Variants in KCNQ5 observed in about 807,000 individuals in gnomAD.
KCNQ5 encodes potassium voltage-gated channel subfamily Q member 5, also known as potassium voltage-gated channel subfamily KQT member 5.
KCNQ5 carries 30 observed loss-of-function variants against 98.2 expected under a neutral mutation model. The ratio of observed to expected loss-of-function variants is 0.31; its 90% CI spans 0.23 to 0.41. The LOEUF is 0.41. KCNQ5 is among the 10% of genes least tolerant of loss of function. The probability of loss-of-function intolerance (pLI) is 1.00; values close to 1 mark genes in which losing one functional copy is unlikely to be tolerated. For synonymous variants in KCNQ5, 458 were observed against 449.4 expected (o/e 1.02, Z -0.24); for missense variants, 835 against 1,182.5 (o/e 0.71, Z 4.31).
At chr6:72,921,325 C>G (rs1780386905) in intron 1 of KCNQ5, among the ~76,000 whole-genome samples, 4 of 152,096 alleles carry the variant, frequency 2.6e-5, no homozygotes. Flanking sequence ...TGAAGAAAGA[C>G]ACAGAAATAA....
intron 1 of KCNQ5, among the ~76,000 whole-genome samples, chr6:72,627,257 T>A (rs953125301): frequency 1.3e-5 from 2 of 151,942 alleles, no homozygotes; most frequent in African/African-American, 4.8e-5. Flanking sequence ...AAGCAATAAG[T>A]AGAAAAAATG....
intron 2 of KCNQ5, among the ~76,000 whole-genome samples, chr6:73,041,597 CAT>C (rs1480430339): frequency 1.3e-5 from 2 of 152,172 alleles, no homozygotes; most frequent in African/African-American, 4.8e-5. Context: ...AGATATTTCA[CAT>C]GTTACTGGGT....
chr6:72,879,388 T>A (rs1159172570), intron 1 of KCNQ5, among the ~76,000 whole-genome samples: 1 of 152,148 alleles, frequency 6.6e-6, no homozygotes, highest in East Asian at 1.9e-4. Context: ...ATTGAGCATC[T>A]TTTCATGTTT....
At chr6:73,103,536 A>G (rs1385417300) in intron 5 of KCNQ5, among the ~76,000 whole-genome samples, 1 of 152,194 alleles carries the variant, frequency 6.6e-6, no homozygotes, top group Non-Finnish European at 1.5e-5. Flanking sequence ...CCTAATGTAG[A>G]TGATGAGTTA....
Position 72,945,529 on chromosome 6 carries a change from A to ATAAAGAGAT in KCNQ5, c.399-58379_399-58378insTAAAGAGAT, listed in dbSNP as rs1766502625. On this transcript the variant is annotated intron_variant, in intron 1 of 13. Coordinates refer to ENST00000370398, the MANE Select transcript of KCNQ5 (RefSeq NM_019842.4). ...GAGTGCAGTGGTGCAATCTTGGCTC[A>ATAAAGAGAT]CTGCAACCTCTGTCTCCTGGGTTCA... Among the ~76,000 whole-genome samples, 9 of 149,920 alleles carry ATAAAGAGAT rather than the reference A, an allele frequency of 6.0e-5. No individual in the cohort carries two copies. In the South Asian group the frequency reaches 1.9e-3, roughly 32 times the overall value.
chr6:73,188,009 C>A (rs1039188569), intron 11 of KCNQ5, among the ~76,000 whole-genome samples: 1 of 152,108 alleles, frequency 6.6e-6, no homozygotes, highest in African/African-American at 2.4e-5. Flanking sequence ...TGGGCAGATG[C>A]GTCCCAAACC....
At chr6:72,827,570 C>G (rs1264369258) in intron 1 of KCNQ5, among the ~76,000 whole-genome samples, 1 of 151,736 alleles carries the variant, frequency 6.6e-6, no homozygotes, top group African/African-American at 2.4e-5. Context: ...ATTTTTTACT[C>G]ATATTATTTG....
intron 2 of KCNQ5, among the ~76,000 whole-genome samples, chr6:73,010,640 T>TAA (rs61014549): frequency 2.2e-4 from 30 of 135,940 alleles, no homozygotes; most frequent in African/African-American, 7.1e-4. Context: ...CCTGAAGATT[T>TAA]AAAAAAAAAA....
chr6:73,076,354 A>C (rs2150390580), intron 3 of KCNQ5, among the ~76,000 whole-genome samples: 1 of 152,288 alleles, frequency 6.6e-6, no homozygotes, highest in East Asian at 1.9e-4. Context: ...AGCAGGAAGG[A>C]AATTGTATTT....
intron 1 of KCNQ5, among the ~76,000 whole-genome samples, chr6:72,731,208 AT>A (rs1265130721): frequency 6.6e-6 from 1 of 152,232 alleles, no homozygotes; most frequent in Non-Finnish European, 1.5e-5. Context: ...TAGAGATAGC[AT>A]ATTAGGTGCT....
intron 1 of KCNQ5, among the ~76,000 whole-genome samples, chr6:72,700,471 T>G (rs1768746693): frequency 6.6e-6 from 1 of 152,170 alleles, no homozygotes; most frequent in Non-Finnish European, 1.5e-5. Flanking sequence ...TAAGATTGAT[T>G]AGGTTTTGGT....
intron 1 of KCNQ5, among the ~76,000 whole-genome samples, chr6:72,652,856 G>A (rs1765944186): frequency 6.6e-6 from 1 of 151,950 alleles, no homozygotes; most frequent in Admixed American, 6.6e-5. Context: ...GAAACTTCAG[G>A]CCCCAGTTTT....
intron 1 of KCNQ5, among the ~76,000 whole-genome samples, chr6:72,856,270 A>C (rs1435760886): frequency 6.6e-6 from 1 of 152,160 alleles, no homozygotes; most frequent in African/African-American, 2.4e-5. Context: ...TGAAGTTGAC[A>C]ATGACATAAG....
At chr6:73,055,540 C>A in intron 3 of KCNQ5, 2 of 1,478,686 alleles carry the variant, frequency 1.4e-6, no homozygotes, top group Non-Finnish European at 1.9e-6. Context: ...ATCACCTACC[C>A]TCCTGTGAGA....
intron 1 of KCNQ5, among the ~76,000 whole-genome samples, chr6:72,914,335 A>C (rs930035022): frequency 2.0e-5 from 3 of 152,062 alleles, no homozygotes; most frequent in Admixed American, 6.6e-5. Flanking sequence ...GAGAAAAGCT[A>C]TGAAGGATAC....
At chr6:72,914,768 A>G (rs572453468) in intron 1 of KCNQ5, among the ~76,000 whole-genome samples, 1 of 151,828 alleles carries the variant, frequency 6.6e-6, no homozygotes, top group East Asian at 1.9e-4. Context: ...CTTTCTAGCC[A>G]CTGGTGGCCA....
intron 8 of KCNQ5, among the ~76,000 whole-genome samples, chr6:73,123,911 A>G (rs377065276): frequency 3.9e-5 from 6 of 152,314 alleles, no homozygotes; most frequent in East Asian, 3.9e-4. Context: ...ACCCTACACC[A>G]TGGTGCTTAG....
intron 1 of KCNQ5, among the ~76,000 whole-genome samples, chr6:72,874,596 G>T (rs2150166253): frequency 6.6e-6 from 1 of 152,196 alleles, no homozygotes; most frequent in East Asian, 1.9e-4. Flanking sequence ...AAGGCCTTTT[G>T]TCAAATAAAT....
chr6:72,792,948 A>G (rs1013004797), intron 1 of KCNQ5, among the ~76,000 whole-genome samples: 6 of 152,216 alleles, frequency 3.9e-5, no homozygotes, highest in Non-Finnish European at 8.8e-5. Context: ...TTGTTCTAAA[A>G]AGTCTCCATG....
Sources: gnomAD v4.1 joint callset for allele counts (sites outside exome capture counted in the v4.1 genomes callset) on GRCh38, gnomAD v4.1.1 for gene constraint, MANE v1.5 for transcripts, NCBI Gene and HGNC (gene_info 2026-07-23, HGNC 2026-07-21) for gene names.